Variants in TCN2 observed in about 807,000 individuals in gnomAD.
TCN2 encodes the protein transcobalamin-2.
TCN2 carries 34 observed loss-of-function variants against 48.6 expected under a neutral mutation model. The observed-to-expected ratio is 0.70, with a 90% CI of 0.53 to 0.93. The LOEUF is 0.93. Ranked by LOEUF, TCN2 falls within the 40% of genes least tolerant of loss-of-function variation. TCN2 has a pLI of 0.00. For synonymous variants in TCN2, 283 were observed against 212.5 expected (o/e 1.33, Z -2.89); for missense variants, 652 against 526.1 (o/e 1.24, Z -2.34).
Position 30,607,319 on chromosome 22 carries a change from A to G in TCN2, c.-13A>G. ...CCCGATTCTTGCTCACTGCTCACCCACCTGCTGCTGCCATGAGGCACCTTG... is the reference window on the plus strand; with the variant it reads ...CCCGATTCTTGCTCACTGCTCACCCGCCTGCTGCTGCCATGAGGCACCTTG... On this transcript the variant is annotated 5_prime_UTR_variant, in exon 1 of 9. Transcript: ENST00000215838. 3.1e-6 allele frequency: 5 copies of G among 1,613,884 alleles called. No homozygotes were observed. The highest frequency in any genetic ancestry group is 1.3e-5 in the African/African-American group (1 of 74,918).
chr22:30,608,548 T>G (rs1569037118), intron 1 of TCN2, among the ~76,000 whole-genome samples: 1 of 152,070 alleles, frequency 6.6e-6, no homozygotes, highest in Admixed American at 6.6e-5. Flanking sequence ...ACTACCATGC[T>G]TGGCTAATTT....
At chr22:30,621,183 G>A (rs967953693) in intron 7 of TCN2, among the ~76,000 whole-genome samples, 2 of 152,064 alleles carry the variant, frequency 1.3e-5, no homozygotes, top group African/African-American at 2.4e-5. Flanking sequence ...AGTAGAAATA[G>A]GGTTTCACCA....
chr22:30,626,067 A>T lies in TCN2; in HGVS notation c.1223-393A>T, dbSNP rs114283406. Among the ~76,000 whole-genome samples, 494 of 152,274 alleles carry T rather than the reference A, an allele frequency of 3.2e-3. 1 individual carries two copies. The highest frequency in any genetic ancestry group is 0.011 in the African/African-American group (455 of 41,546). On this transcript the variant is annotated intron_variant, in intron 8 of 8. Coordinates refer to ENST00000215838, the MANE Select transcript of TCN2 (RefSeq NM_000355.4). ...CAGAGTCACAGCAGTAATGAATGACAGAGCTGGGGCTTGAATCCAGGCGTC... is the reference window on the plus strand; with the variant it reads ...CAGAGTCACAGCAGTAATGAATGACTGAGCTGGGGCTTGAATCCAGGCGTC...
Position 30,607,307 on chromosome 22 carries a change from C to G in TCN2, c.-25C>G, listed in dbSNP as rs758018768. On this transcript the variant is annotated 5_prime_UTR_variant, in exon 1 of 9. Transcript: ENST00000215838. ...CCAGGAGTCTTTCCCGATTCTTGCT[C>G]ACTGCTCACCCACCTGCTGCTGCCA... 14 of 1,613,966 alleles carry G rather than the reference C, an allele frequency of 8.7e-6. No homozygotes were observed. The highest frequency in any genetic ancestry group is 1.1e-5 in the Non-Finnish European group (13 of 1,179,980).
intron 1 of TCN2, among the ~76,000 whole-genome samples, chr22:30,608,635 T>G (rs888806988): frequency 6.6e-6 from 1 of 151,904 alleles, no homozygotes; most frequent in African/African-American, 2.4e-5. Context: ...AGTGAAACTC[T>G]TGCGTCGGCC....
chr22:30,620,138 C>G (rs867253352), intron 7 of TCN2, among the ~76,000 whole-genome samples: 1 of 149,114 alleles, frequency 6.7e-6, no homozygotes, highest in Non-Finnish European at 1.5e-5. Flanking sequence ...GCCTGGATGA[C>G]AAAACTTTTT....
In TCN2 at chr22:30,615,037, C is replaced by T. The variant is rs540434121; in HGVS notation, c.581-264C>T. Among the ~76,000 whole-genome samples, 187 of 152,346 alleles carry T rather than the reference C, an allele frequency of 1.2e-3. 1 individual carries two copies. The highest frequency in any genetic ancestry group is 4.0e-3 in the African/African-American group (168 of 41,576). ...TCCAGTCCTTCTCCCTAACCTCTAG[C>T]CCTCAAGTTGCAGAGTGATCAGCCA... is the stretch of plus-strand genomic sequence containing the variant. On this transcript the variant is annotated intron_variant, in intron 4 of 8. Coordinates refer to ENST00000215838, the MANE Select transcript of TCN2 (RefSeq NM_000355.4).
At chr22:30,620,143 CTTTT>C (rs35127123) in intron 7 of TCN2, among the ~76,000 whole-genome samples, 4 of 144,932 alleles carry the variant, frequency 2.8e-5, no homozygotes, top group African/African-American at 5.1e-5. Context: ...GATGACAAAA[CTTTT>C]TTTTTTTTTT....
chr22:30,617,414 C>A lies in TCN2; in HGVS notation c.1025C>A (p.Pro342Gln). The A allele has an allele frequency of 6.2e-7, 1 of 1,614,104 alleles. No individual in the cohort carries two copies. Among genetic ancestry groups the A allele is most frequent in the Non-Finnish European group, 8.5e-7 (1 of 1,180,014 alleles). ...CTGCAGGTGCTTAGTCTCTTGCCGC[C>A]GTACAGACAGTCCATCTCTGTTCTG... is the stretch of plus-strand genomic sequence containing the variant. ...VTLQVLSLLP[P>Q]YRQSISVLAG... Residue 342 changes from proline to glutamine, a missense_variant, in exon 7 of 9, where the codon CCG (proline) becomes CAG (glutamine). By Grantham distance (76) the Pro-to-Gln change is moderately conservative (BLOSUM62 -1). Coordinates refer to ENST00000215838, the MANE Select transcript of TCN2 (RefSeq NM_000355.4).
intron 1 of TCN2, among the ~76,000 whole-genome samples, chr22:30,608,685 C>T (rs925236607): frequency 3.3e-5 from 5 of 151,944 alleles, no homozygotes; most frequent in Admixed American, 6.6e-5. Context: ...CCACCGTGCC[C>T]GGCCAGAACT....
chr22:30,618,401 G>C (rs2087646770), intron 7 of TCN2, among the ~76,000 whole-genome samples: 1 of 151,700 alleles, frequency 6.6e-6, no homozygotes, highest in Admixed American at 6.6e-5. Context: ...ACCTAGGCTG[G>C]AGTGCAGTGG....
chr22:30,611,208 T>C (rs1297020909), intron 2 of TCN2, 145 bp downstream of exon 2: 12 of 986,060 alleles, frequency 1.2e-5, no homozygotes, highest in Admixed American at 2.0e-5. Flanking sequence ...TTTGTCCATC[T>C]ATAGAATGAA....
At chr22:30,623,761 TATATATATACAC>T (rs2087738484) in intron 8 of TCN2, among the ~76,000 whole-genome samples, 1 of 36,258 alleles carries the variant, frequency 2.8e-5, no homozygotes, top group African/African-American at 1.3e-4. Context: ...TATATATGTA[TATATATATACAC>T]ACATATATAT....
At chr22:30,614,822 T>C (rs573418433) in intron 4 of TCN2, among the ~76,000 whole-genome samples, 8 of 152,142 alleles carry the variant, frequency 5.3e-5, no homozygotes, top group Admixed American at 2.6e-4. Flanking sequence ...GGCAGGAGAA[T>C]CACTTGAACC....
chr22:30,626,500 G>A lies in TCN2; in HGVS notation c.1263G>A (p.Glu421=), dbSNP rs1385370129. ...DYRPKDGETI[E]LRLVSW ...GACCCAAGGATGGAGAAACCATTGA[G>A]CTGAGGCTGGTTAGCTGGTAGCCCC... is the stretch of plus-strand genomic sequence containing the variant. The change falls in exon 9 of 9, where the codon GAG becomes GAA. Residue 421 remains glutamate, a synonymous_variant. Transcript: ENST00000215838. The A allele has an allele frequency of 7.4e-6, 12 of 1,614,124 alleles. No homozygotes were observed. Among genetic ancestry groups the A allele is most frequent in the Non-Finnish European group, 8.5e-6 (10 of 1,180,026 alleles).
In TCN2 at chr22:30,617,442, C is replaced by G; in HGVS notation, c.1053C>G (p.Ala351=). The G allele has an allele frequency of 6.2e-7, 1 of 1,614,044 alleles. No homozygotes were observed. Among genetic ancestry groups the G allele is most frequent in the Non-Finnish European group, 8.5e-7 (1 of 1,180,008 alleles). ...PPYRQSISVL[A]GSTVEDVLKK... The stretch of plus-strand genomic sequence containing the variant: ...ACAGACAGTCCATCTCTGTTCTGGC[C>G]GGGTCCACCGTGGAAGATGTCCTGA... Residue 351 remains alanine (A), a synonymous_variant, in exon 7 of 9, where the codon GCC becomes GCG. Coordinates refer to ENST00000215838, the MANE Select transcript of TCN2 (RefSeq NM_000355.4).
At chr22:30,613,340 C>T (rs1017816027) in intron 3 of TCN2, among the ~76,000 whole-genome samples, 8 of 152,090 alleles carry the variant, frequency 5.3e-5, no homozygotes, top group Admixed American at 1.3e-4. Flanking sequence ...AGTACAATGG[C>T]GCAATCTCAG....
At chr22:30,607,991 C>T (rs1164553036) in intron 1 of TCN2, among the ~76,000 whole-genome samples, 1 of 152,176 alleles carries the variant, frequency 6.6e-6, no homozygotes, top group African/African-American at 2.4e-5. Context: ...GACACACATT[C>T]TAGGCAGCAG....
In TCN2 at chr22:30,611,077, C is replaced by CT. The variant is rs761128650; in HGVS notation, c.257+15dup. On this transcript the variant is annotated intron_variant, in intron 2 of 8. Coordinates refer to ENST00000215838, the MANE Select transcript of TCN2 (RefSeq NM_000355.4). ...GTGCCTCCTAGGGTATTGCCACACTCTCTTTTTCCATGTCTTGCTCCACAT... is the reference window on the plus strand; with the variant it reads ...GTGCCTCCTAGGGTATTGCCACACTCTTCTTTTTCCATGTCTTGCTCCACAT... 5.6e-6 allele frequency: 9 copies of CT among 1,613,934 alleles called. No homozygotes were observed. The highest frequency in any genetic ancestry group is 1.1e-5 in the South Asian group (1 of 91,076).
Sources: gnomAD v4.1 joint callset for allele counts (sites outside exome capture counted in the v4.1 genomes callset) on GRCh38, gnomAD v4.1.1 for gene constraint, MANE v1.5 for transcripts, NCBI Gene and HGNC (gene_info 2026-07-23, HGNC 2026-07-21) for gene names.